Variants in ANO4 observed in about 807,000 individuals in gnomAD.
The protein encoded by ANO4 is anoctamin 4, also known as anoctamin-4.
A neutral mutation model predicts 141.9 loss-of-function variants in ANO4; 69 were observed. The ratio of observed to expected loss-of-function variants is 0.49; its 90% CI spans 0.40 to 0.59. ANO4 has a LOEUF of 0.59. Among genes scored for constraint, ANO4 ranks in the 20% least tolerant of loss-of-function variants. The pLI, the probability that ANO4 is intolerant of heterozygous loss-of-function variation, is 0.00. For missense variants in ANO4, 894 were observed against 1,162.2 expected, an observed-to-expected ratio of 0.77 and a Z score of 3.36; for synonymous variants, 350 against 394.3, an observed-to-expected ratio of 0.89 and a Z score of 1.33.
At chr12:100,819,061 G>A (rs28404986) in intron 1 of ANO4, among the ~76,000 whole-genome samples, 1 of 149,182 alleles carries the variant, frequency 6.7e-6, no homozygotes, top group African/African-American at 2.5e-5. Context: ...ATATATATAT[G>A]TATGTGTGTA....
intron 26 of ANO4, among the ~76,000 whole-genome samples, chr12:101,123,886 C>T (rs2051197613): frequency 6.6e-6 from 1 of 152,180 alleles, no homozygotes; most frequent in Non-Finnish European, 1.5e-5. Context: ...TTGCATTTCT[C>T]TAATCTCCTT....
At chr12:100,781,417 C>G (rs2033707033) in intron 3 of ANO4, among the ~76,000 whole-genome samples, 1 of 152,124 alleles carries the variant, frequency 6.6e-6, no homozygotes, top group Non-Finnish European at 1.5e-5. Flanking sequence ...TGCATAGACC[C>G]CTCTTCCTTA....
At chr12:101,092,355 A>C (rs763517495) in intron 17 of ANO4, among the ~76,000 whole-genome samples, 19 of 152,242 alleles carry the variant, frequency 1.2e-4, no homozygotes, top group Non-Finnish European at 1.5e-5. Flanking sequence ...AAGATCAGAA[A>C]GCTTTCTGCC....
At chr12:100,721,709 C>T (rs1192289455) in intron 1 of ANO4, among the ~76,000 whole-genome samples, 1 of 152,116 alleles carries the variant, frequency 6.6e-6, no homozygotes, top group African/African-American at 2.4e-5. Context: ...GACAATGTCT[C>T]ACTCTGTTGC....
At chr12:100,960,417 G>C (rs1354834107) in intron 5 of ANO4, among the ~76,000 whole-genome samples, 1 of 151,662 alleles carries the variant, frequency 6.6e-6, no homozygotes, top group African/African-American at 2.4e-5. Context: ...TAACCTTTAG[G>C]TAAAAACACT....
chr12:100,824,651 C>T (rs2036233251), intron 1 of ANO4, among the ~76,000 whole-genome samples: 1 of 151,948 alleles, frequency 6.6e-6, no homozygotes, highest in African/African-American at 2.4e-5. Flanking sequence ...AGATTTTCTC[C>T]AAAACACCCA....
intron 1 of ANO4, among the ~76,000 whole-genome samples, chr12:100,870,136 C>T (rs902448324): frequency 2.0e-5 from 3 of 152,194 alleles, no homozygotes; most frequent in Non-Finnish European, 4.4e-5. Context: ...GGAGCAGTTA[C>T]TGGGACTTGG....
intron 3 of ANO4, among the ~76,000 whole-genome samples, chr12:100,754,199 G>A (rs17478799): frequency 0.19 from 29,038 of 152,174 alleles, 3,196 homozygotes; most frequent in Non-Finnish European, 0.25. Context: ...AACTCACAAT[G>A]TAATGTGCAC....
intron 3 of ANO4, among the ~76,000 whole-genome samples, chr12:100,767,998 C>A (rs904573007): frequency 3.3e-5 from 5 of 152,038 alleles, no homozygotes; most frequent in African/African-American, 4.8e-5. Context: ...CTTCATCAGT[C>A]AGCCTGTCTC....
chr12:100,870,518 AT>A (rs138912701), intron 1 of ANO4, among the ~76,000 whole-genome samples: 6 of 151,524 alleles, frequency 4.0e-5, no homozygotes, highest in African/African-American at 4.8e-5. Flanking sequence ...TATTTGCAGG[AT>A]TTTTTTTTAA....
rs187422617 is a variant in ANO4 at position 100,743,645 on chromosome 12, A to G, written c.358+3540A>G. 3.0e-3 allele frequency among the ~76,000 whole-genome samples: 450 copies of G among 152,310 alleles called. 5 individuals carry two copies. The highest frequency in any genetic ancestry group is 0.01 in the African/African-American group (418 of 41,556). ...CATGAAAGGTATTTTAAAAATTAAA[A>G]TGGAAATAACTCCTTCTTGCTTAGT... is the stretch of plus-strand genomic sequence containing the variant. On this transcript the variant is annotated intron_variant, in intron 3 of 29. Transcript: ENST00000644049.
chr12:101,107,234 T>TA (rs2050484779), intron 22 of ANO4, among the ~76,000 whole-genome samples: 1 of 152,310 alleles, frequency 6.6e-6, no homozygotes, highest in South Asian at 2.1e-4. Flanking sequence ...GCCTTCGTTG[T>TA]AATTACATGT....
At chr12:101,107,633 G>C (rs1326180360) in intron 22 of ANO4, among the ~76,000 whole-genome samples, 4 of 152,166 alleles carry the variant, frequency 2.6e-5, no homozygotes, top group Admixed American at 2.6e-4. Context: ...TTTTCTGTGT[G>C]GGGTGTATTT....
At chr12:100,737,753 C>A (rs2031676875) in intron 2 of ANO4, among the ~76,000 whole-genome samples, 2 of 152,212 alleles carry the variant, frequency 1.3e-5, no homozygotes, top group African/African-American at 4.8e-5. Flanking sequence ...AGAGGGAGGA[C>A]AGATCTATGG....
intron 5 of ANO4, among the ~76,000 whole-genome samples, chr12:100,949,901 C>A (rs963439546): frequency 6.6e-6 from 1 of 152,096 alleles, no homozygotes; most frequent in African/African-American, 2.4e-5. Context: ...TTTGATTGTC[C>A]ATCCCAGTGT....
intron 8 of ANO4, among the ~76,000 whole-genome samples, chr12:100,997,368 G>A (rs1193989156): frequency 6.8e-6 from 1 of 147,292 alleles, no homozygotes; most frequent in African/African-American, 2.5e-5. Context: ...TTTCTCCACA[G>A]TGCTGCCACC....
At chr12:101,008,001 A>G (rs1399598005) in intron 8 of ANO4, among the ~76,000 whole-genome samples, 1 of 152,210 alleles carries the variant, frequency 6.6e-6, no homozygotes, top group African/African-American at 2.4e-5. Context: ...TCAAGCTGGA[A>G]CATCAGTATT....
intron 5 of ANO4, among the ~76,000 whole-genome samples, chr12:100,948,431 A>G (rs906584118): frequency 6.6e-6 from 1 of 152,140 alleles, no homozygotes; most frequent in Non-Finnish European, 1.5e-5. Context: ...AATGATGAAG[A>G]TTAAGTGGAC....
chr12:100,776,532 T>C (rs772075047), intron 3 of ANO4, among the ~76,000 whole-genome samples: 5 of 152,190 alleles, frequency 3.3e-5, no homozygotes, highest in Non-Finnish European at 7.3e-5. Context: ...CTAGTATAAT[T>C]GCTAGAATCT....
Sources: allele counts gnomAD v4.1 joint callset (sites outside exome capture counted in the v4.1 genomes callset), GRCh38; gene constraint gnomAD v4.1.1; transcripts MANE v1.5; gene names NCBI Gene and HGNC (gene_info 2026-07-23, HGNC 2026-07-21).